The following TMEM178B variants were observed in gnomAD, a reference collection of about 807,000 sequenced individuals.
TMEM178B encodes the protein transmembrane protein 178B.
In TMEM178B, 5 loss-of-function variants were observed where a neutral mutation model predicts 31.0. The observed-to-expected ratio is 0.16, with a 90% CI of 0.08 to 0.34. The LOEUF is 0.34. Ranked by LOEUF, TMEM178B falls within the 10% of genes least tolerant of loss-of-function variation. The pLI, the probability that TMEM178B is intolerant of heterozygous loss-of-function variation, is 1.00. For synonymous variants in TMEM178B, 164 were observed against 164.0 expected (o/e 1.00, Z 0.00); for missense variants, 275 against 400.3 (o/e 0.69, Z 2.67).
At chr7:141,100,933 A>G (rs1795046073) in intron 1 of TMEM178B, among the ~76,000 whole-genome samples, 1 of 152,192 alleles carries the variant, frequency 6.6e-6, no homozygotes, top group Non-Finnish European at 1.5e-5. Flanking sequence ...CTGAGTGTAT[A>G]CATTTTGGTG....
chr7:141,261,290 A>G (rs980218037), intron 2 of TMEM178B, among the ~76,000 whole-genome samples: 1 of 151,974 alleles, frequency 6.6e-6, no homozygotes, highest in Non-Finnish European at 1.5e-5. Context: ...ATTTGCCTCA[A>G]ATTGGGAAAC....
At chr7:141,161,326 G>C (rs1796168476) in intron 1 of TMEM178B, among the ~76,000 whole-genome samples, 2 of 152,084 alleles carry the variant, frequency 1.3e-5, no homozygotes, top group Non-Finnish European at 2.9e-5. Flanking sequence ...AGAGGGAGGG[G>C]ATTTTACTCT....
At chr7:141,442,660 C>T (rs947767986) in intron 3 of TMEM178B, among the ~76,000 whole-genome samples, 7 of 152,148 alleles carry the variant, frequency 4.6e-5, no homozygotes, top group Non-Finnish European at 7.3e-5. Flanking sequence ...TCCTTGTAAT[C>T]CCTTGTGGAT....
chr7:141,367,621 G>A (rs990302083), intron 2 of TMEM178B, among the ~76,000 whole-genome samples: 4 of 152,122 alleles, frequency 2.6e-5, no homozygotes, highest in African/African-American at 7.2e-5. Context: ...GGTCCTGGGA[G>A]TATAATGTGA....
chr7:141,498,343 A>G, the TMEM178B span, among the ~76,000 whole-genome samples: 1 of 152,220 alleles, frequency 6.6e-6, no homozygotes, highest in Non-Finnish European at 1.5e-5. Flanking sequence ...TCAGGATAGC[A>G]GCTTGAGTTA....
At chr7:141,086,288 C>T (rs1449205732) in intron 1 of TMEM178B, among the ~76,000 whole-genome samples, 1 of 152,104 alleles carries the variant, frequency 6.6e-6, no homozygotes, top group East Asian at 1.9e-4. Context: ...TGCCTTGGGC[C>T]TTCCAAAGTG....
At chr7:141,325,832 A>G (rs1799180262) in intron 2 of TMEM178B, among the ~76,000 whole-genome samples, 1 of 152,184 alleles carries the variant, frequency 6.6e-6, no homozygotes, top group South Asian at 2.1e-4. Flanking sequence ...GGAAAAAAAA[A>G]AGTCTGATTC....
Position 141,179,056 on chromosome 7 carries a change from G to T in TMEM178B, c.383-33535G>T, listed in dbSNP as rs541869465. ...TGTAAGTGCCCTTCAGATAATTCAG[G>T]TGGAACTGTGCTGCTAGAGAGCTAC... is the stretch of plus-strand genomic sequence containing the variant. On this transcript the variant is annotated intron_variant, in intron 1 of 3. Transcript: ENST00000565468. Among the ~76,000 whole-genome samples, 10 of 152,292 alleles carry T rather than the reference G, an allele frequency of 6.6e-5. No individual in the cohort carries two copies. In the South Asian group the frequency reaches 2.1e-3, roughly 32 times the overall value.
In TMEM178B at chr7:141,135,044, T is replaced by G. The variant is rs1262855416; in HGVS notation, c.382+60352T>G. Among the ~76,000 whole-genome samples the G allele has an allele frequency of 3.3e-5, 5 of 152,334 alleles. No homozygotes were observed. The East Asian group carries it at 9.6e-4, about 29-fold the overall frequency. On this transcript the variant is annotated intron_variant, in intron 1 of 3. Coordinates refer to ENST00000565468, the MANE Select transcript of TMEM178B (RefSeq NM_001195278.2). ...TCTGTGCACAAGCTCTCCCTTTGCCTGCTGACATCCACATAAGATGTGACT... is the reference window on the plus strand; with the variant it reads ...TCTGTGCACAAGCTCTCCCTTTGCCGGCTGACATCCACATAAGATGTGACT...
At chr7:141,302,298 C>T (rs182024993) in intron 2 of TMEM178B, among the ~76,000 whole-genome samples, 109 of 152,228 alleles carry the variant, frequency 7.2e-4, no homozygotes, top group Middle Eastern at 3.4e-3. Flanking sequence ...CATGGATGAA[C>T]CTTGAGGACA....
At chr7:141,154,383 G>T (rs934837649) in intron 1 of TMEM178B, among the ~76,000 whole-genome samples, 1 of 152,240 alleles carries the variant, frequency 6.6e-6, no homozygotes, top group African/African-American at 2.4e-5. Context: ...GCAGGTGTGG[G>T]CCCTCATCTA....
At position 141,264,273 on chromosome 7, in the gene TMEM178B, A is replaced by G. The variant is rs966811187; in HGVS notation, c.496+51569A>G. Among the ~76,000 whole-genome samples, 24 of 152,332 alleles carry G rather than the reference A, an allele frequency of 1.6e-4. No individual in the cohort carries two copies. In the East Asian group the frequency reaches 3.3e-3, roughly 21 times the overall value. The stretch of plus-strand genomic sequence containing the variant: ...CAAGACACTGCTCTCAGGACTTTAC[A>G]TTTCAAGGCCTTAGAGACGACCTCC... On this transcript the variant is annotated intron_variant, in intron 2 of 3. Transcript: ENST00000565468.
intron 1 of TMEM178B, among the ~76,000 whole-genome samples, chr7:141,109,060 A>G (rs1217125136): frequency 1.3e-5 from 2 of 152,156 alleles, no homozygotes; most frequent in Non-Finnish European, 2.9e-5. Context: ...TGAGAACAGT[A>G]TAGGAGAGAC....
the TMEM178B span, among the ~76,000 whole-genome samples, chr7:141,493,631 C>A: frequency 6.6e-6 from 1 of 152,180 alleles, no homozygotes; most frequent in African/African-American, 2.4e-5. Flanking sequence ...TCCTGTTACA[C>A]CACCAGCTCC....
chr7:141,263,473 G>A (rs1260140411), intron 2 of TMEM178B, among the ~76,000 whole-genome samples: 4 of 152,114 alleles, frequency 2.6e-5, no homozygotes, highest in Non-Finnish European at 5.9e-5. Context: ...CCCAGAGATA[G>A]GACCTCTCCC....
At chr7:141,429,946 A>G (rs1801392895) in intron 2 of TMEM178B, 1 of 152,260 alleles carries the variant, frequency 6.6e-6, no homozygotes. Flanking sequence ...TCTTAACTAA[A>G]TCATTGATGC....
At chr7:141,313,398 T>A (rs1269245885) in intron 2 of TMEM178B, among the ~76,000 whole-genome samples, 6 of 152,174 alleles carry the variant, frequency 3.9e-5, no homozygotes, top group Non-Finnish European at 7.3e-5. Flanking sequence ...AGGCTCTCTC[T>A]TGCTCTCCCC....
chr7:141,503,548 G>A, the TMEM178B span, among the ~76,000 whole-genome samples: 763 of 152,274 alleles, frequency 5.0e-3, 3 homozygotes, highest in African/African-American at 0.017. Flanking sequence ...GAGGTCCTTC[G>A]TAGACTCTTC....
At chr7:141,450,371 A>C (rs759151689) in intron 3 of TMEM178B, among the ~76,000 whole-genome samples, 15 of 152,242 alleles carry the variant, frequency 9.9e-5, no homozygotes, top group Non-Finnish European at 1.6e-4. Context: ...AAATAAAATC[A>C]AACCCATCTC....
Sources: allele counts gnomAD v4.1 joint callset (sites outside exome capture counted in the v4.1 genomes callset), GRCh38; gene constraint gnomAD v4.1.1; transcripts MANE v1.5; gene names NCBI Gene and HGNC (gene_info 2026-07-23, HGNC 2026-07-21).